Variants in CDH6 observed in about 807,000 individuals in gnomAD.
CDH6 encodes cadherin 6, also known as cadherin-6.
A neutral mutation model predicts 78.0 loss-of-function variants in CDH6; 31 were observed. That is an observed-to-expected ratio of 0.40 (90% confidence interval 0.30 to 0.54). CDH6 has a LOEUF of 0.54. Ranked by LOEUF, CDH6 falls within the 20% of genes least tolerant of loss-of-function variation. The pLI is 0.56. For missense variants in CDH6, 724 were observed against 975.9 expected (o/e 0.74, Z 3.44); for synonymous variants, 376 against 368.8 (o/e 1.02, Z -0.23).
intron 1 of CDH6, among the ~76,000 whole-genome samples, chr5:31,207,886 C>T (rs952213562): frequency 6.6e-6 from 1 of 152,286 alleles, no homozygotes; most frequent in Non-Finnish European, 1.5e-5. Flanking sequence ...GGGAAATATT[C>T]CCGAGATGAC....
chr5:31,302,775 AGAAAGAGAGAGAGAG>A lies in CDH6; in HGVS notation c.999+478_999+492del, dbSNP rs1561065764. Among the ~76,000 whole-genome samples, 12 of 89,200 alleles carry A rather than the reference AGAAAGAGAGAGAGAG, an allele frequency of 1.3e-4. 1 individual carries two copies. Among genetic ancestry groups the A allele is most frequent in the Admixed American group, 2.5e-4 (2 of 8,068 alleles). The allele number at this position is 89,200 out of a possible 152,430, so 58.5% of individuals were successfully genotyped here. ...GGAGAAAGAAAGAAAGAAAGAAAGAAGAAAGAGAGAGAGAGAGAGAGAGAGAAAGAAAGAAAGAAA... is the reference window on the plus strand; with the variant it reads ...GGAGAAAGAAAGAAAGAAAGAAAGAAAGAGAGAGAGAAAGAAAGAAAGAAA... On this transcript the variant is annotated intron_variant, in intron 6 of 11. Transcript: ENST00000265071.
intron 1 of CDH6, among the ~76,000 whole-genome samples, chr5:31,256,121 G>C (rs1742047380): frequency 6.6e-6 from 1 of 152,002 alleles, no homozygotes; most frequent in Non-Finnish European, 1.5e-5. Flanking sequence ...TGAAGTGAAA[G>C]ATATTTTCAG....
chr5:31,313,210 C>A, intron 7 of CDH6, 108 bp from the exon 8 acceptor site: 1 of 974,214 alleles, frequency 1.0e-6, no homozygotes, highest in Non-Finnish European at 1.5e-6. Context: ...AAATTTATGC[C>A]ACAGATACTC....
At position 31,319,926 on chromosome 5, in the gene CDH6, A is replaced by T. The variant is rs567134215; in HGVS notation, c.1882+2002A>T. ...CTGTGCTATTAATTTTCTTTTACAA[A>T]TAAGAAAATAGGCTTAGAACGGTCA... On this transcript the variant is annotated intron_variant, in intron 11 of 11. Coordinates refer to ENST00000265071, the MANE Select transcript of CDH6 (RefSeq NM_004932.4). 2.0e-5 allele frequency among the ~76,000 whole-genome samples: 3 copies of T among 152,336 alleles called. No homozygotes were observed. In the East Asian group the frequency reaches 5.8e-4, roughly 29 times the overall value.
At position 31,317,747 on chromosome 5, in the gene CDH6, G is replaced by C. The variant is rs775431380; in HGVS notation, c.1705G>C (p.Val569Leu). The change falls in exon 11 of 12, where the codon GTC (valine) becomes CTC (leucine). Residue 569 changes from valine to leucine, a missense_variant. This residue lies in a region of CDH6 where 446 missense variants were observed against 684.5 expected (regional missense o/e 0.65). Coordinates refer to ENST00000265071, the MANE Select transcript of CDH6 (RefSeq NM_004932.4). ...HEMSTYLLPVVISDNDYPVQS... is the reference protein window; with the variant it reads ...HEMSTYLLPVLISDNDYPVQS... ...GATGAGCACCTATCTCTTGCCTGTG[G>C]TCATTTCAGACAACGACTACCCAGT... 3.1e-6 allele frequency: 5 copies of C among 1,614,028 alleles called. No individual in the cohort carries two copies. In the African/African-American group the frequency reaches 6.7e-5, roughly 22 times the overall value.
At chr5:31,302,951 GA>G (rs1250028341) in intron 6 of CDH6, among the ~76,000 whole-genome samples, 1 of 130,258 alleles carries the variant, frequency 7.7e-6, no homozygotes, top group Non-Finnish European at 1.7e-5. Context: ...AAGAAAGAAA[GA>G]AAGAAGGAAA....
chr5:31,273,595 G>A (rs1431782327), intron 2 of CDH6, among the ~76,000 whole-genome samples: 4 of 152,006 alleles, frequency 2.6e-5, no homozygotes, highest in Admixed American at 6.6e-5. Flanking sequence ...ATACACCCTC[G>A]CCTGTATGTC....
chr5:31,222,033 C>T (rs113718097), intron 1 of CDH6, among the ~76,000 whole-genome samples: 1,546 of 152,222 alleles, frequency 0.01, 29 homozygotes, highest in African/African-American at 0.035. Context: ...TTTCTCTACC[C>T]ACTAACATTT....
intron 1 of CDH6, among the ~76,000 whole-genome samples, chr5:31,232,681 T>A (rs923916710): frequency 2.0e-5 from 3 of 152,218 alleles, no homozygotes; most frequent in Non-Finnish European, 4.4e-5. Context: ...ACATATCAAG[T>A]CAGGCTTTTT....
At chr5:31,302,792 GA>G (rs1737818508) in intron 6 of CDH6, among the ~76,000 whole-genome samples, 1 of 58,606 alleles carries the variant, frequency 1.7e-5, no homozygotes, top group African/African-American at 6.4e-5. Context: ...GAGAGAGAGA[GA>G]GAGAGAGAAA....
intron 1 of CDH6, among the ~76,000 whole-genome samples, chr5:31,260,640 G>C (rs1434490597): frequency 6.6e-6 from 1 of 152,148 alleles, no homozygotes; most frequent in Non-Finnish European, 1.5e-5. Flanking sequence ...AAATACATCA[G>C]TTTGCAAACA....
chr5:31,246,464 C>T (rs1741748781), intron 1 of CDH6, among the ~76,000 whole-genome samples: 1 of 152,160 alleles, frequency 6.6e-6, no homozygotes, highest in South Asian at 2.1e-4. Flanking sequence ...GGGGAGGAAG[C>T]TCCACCTATC....
At chr5:31,212,974 A>G (rs1740757574) in intron 1 of CDH6, among the ~76,000 whole-genome samples, 1 of 152,110 alleles carries the variant, frequency 6.6e-6, no homozygotes, top group Non-Finnish European at 1.5e-5. Context: ...ACTCATTTCT[A>G]TCTTCAACAA....
chr5:31,266,919 T>A (rs772595250), intron 1 of CDH6, among the ~76,000 whole-genome samples: 4 of 152,234 alleles, frequency 2.6e-5, no homozygotes, highest in Non-Finnish European at 5.9e-5. Flanking sequence ...AATTTCAACA[T>A]TATCCACTTT....
intron 11 of CDH6, among the ~76,000 whole-genome samples, chr5:31,320,524 T>C (rs1738452903): frequency 6.6e-6 from 1 of 152,212 alleles, no homozygotes; most frequent in Admixed American, 6.5e-5. Context: ...CTAATCCCAA[T>C]GGATGTCCTT....
chr5:31,261,271 G>T (rs1376297117), intron 1 of CDH6, among the ~76,000 whole-genome samples: 1 of 152,140 alleles, frequency 6.6e-6, no homozygotes, highest in Non-Finnish European at 1.5e-5. Flanking sequence ...GCTCAGAGTT[G>T]TAATGCAGTA....
At chr5:31,223,651 C>T (rs1413665722) in intron 1 of CDH6, among the ~76,000 whole-genome samples, 4 of 151,666 alleles carry the variant, frequency 2.6e-5, no homozygotes, top group African/African-American at 7.3e-5. Flanking sequence ...ATTTTGGTTC[C>T]GGTGGTGTAT....
chr5:31,291,911 G>A (rs554316195), intron 2 of CDH6, among the ~76,000 whole-genome samples: 1 of 152,168 alleles, frequency 6.6e-6, no homozygotes, highest in African/African-American at 2.4e-5. Context: ...CATTATTTCT[G>A]CCAAATTGCT....
chr5:31,241,465 G>T (rs1458650474), intron 1 of CDH6, among the ~76,000 whole-genome samples: 2 of 152,246 alleles, frequency 1.3e-5, no homozygotes, highest in Non-Finnish European at 2.9e-5. Flanking sequence ...GACCCAAGGG[G>T]TTAGCTTTTA....
Sources: gnomAD v4.1 joint callset for allele counts (sites outside exome capture counted in the v4.1 genomes callset) on GRCh38, gnomAD v4.1.1 for gene constraint, gnomAD v4.1.1 regional missense constraint, MANE v1.5 for transcripts, NCBI Gene and HGNC (gene_info 2026-07-23, HGNC 2026-07-21) for gene names.